The following MARCHF10 variants were observed in gnomAD, a reference collection of about 807,000 sequenced individuals.
The protein encoded by MARCHF10 is probable E3 ubiquitin-protein ligase MARCHF10.
A neutral mutation model predicts 76.2 loss-of-function variants in MARCHF10; 64 were observed. That is an observed-to-expected ratio of 0.84 (90% CI 0.69 to 1.03). The LOEUF is 1.03. MARCHF10 is among the 50% of genes least tolerant of loss of function. The pLI, the probability that MARCHF10 is intolerant of heterozygous loss-of-function variation, is 0.00. For missense variants in MARCHF10, 875 were observed against 958.0 expected, an observed-to-expected ratio of 0.91 and a Z score of 1.14; for synonymous variants, 340 against 357.5, an observed-to-expected ratio of 0.95 and a Z score of 0.55.
At chr17:62,795,109 A>G in intron 2 of MARCHF10, 2 of 966,574 alleles carry the variant, frequency 2.1e-6, no homozygotes, top group Non-Finnish European at 2.5e-6. Context: ...CTGAGTGGAC[A>G]ACTCCAAACC....
At chr17:62,790,953 C>A (rs774048112) in intron 2 of MARCHF10, among the ~76,000 whole-genome samples, 1 of 152,210 alleles carries the variant, frequency 6.6e-6, no homozygotes, top group Non-Finnish European at 1.5e-5. Flanking sequence ...TTCACTCCAA[C>A]TTGCTTGGGA....
At chr17:62,705,050 C>T (rs1007283056) in intron 10 of MARCHF10, 194 of 1,005,906 alleles carry the variant, frequency 1.9e-4, no homozygotes, top group Non-Finnish European at 2.2e-4. Context: ...CTTGGGAGAC[C>T]TGTTTGCTTT....
intron 10 of MARCHF10, among the ~76,000 whole-genome samples, chr17:62,702,780 C>G (rs912479617): frequency 1.3e-4 from 20 of 152,326 alleles, no homozygotes; most frequent in African/African-American, 4.1e-4. Context: ...CCTGGACCCT[C>G]TCACCCTCTC....
At chr17:62,744,313 G>T in intron 5 of MARCHF10, 63 bp downstream of exon 5, 1 of 1,531,544 alleles carries the variant, frequency 6.5e-7, no homozygotes, top group South Asian at 1.2e-5. Flanking sequence ...AGAATTCACC[G>T]GGTAACAGCA....
chr17:62,740,820 G>T (rs1330176375), intron 5 of MARCHF10, among the ~76,000 whole-genome samples: 2 of 152,146 alleles, frequency 1.3e-5, no homozygotes, highest in East Asian at 3.9e-4. Flanking sequence ...TAGAGATGGG[G>T]TCTCACTTTG....
intron 4 of MARCHF10, among the ~76,000 whole-genome samples, chr17:62,748,749 G>T (rs185795565): frequency 8.5e-5 from 13 of 152,222 alleles, no homozygotes; most frequent in Admixed American, 5.9e-4. Flanking sequence ...TCTAGAAAAA[G>T]AGTTTCGAAC....
Position 62,744,374 on chromosome 17 carries a change from A to G in MARCHF10, c.535+2T>C. 1 of 1,613,374 alleles carries G rather than the reference A, an allele frequency of 6.2e-7. No individual in the cohort carries two copies. On this transcript the variant is annotated splice_donor_variant, in intron 5 of 10. Transcript: ENST00000311269. LOFTEE classifies it high-confidence loss of function. Reference sequence around the variant, plus strand: ...AAAGGTTCGGGAGCCCCGGGTCCTTACCTGCTCCCCTGGGAACCGGCACCT... The same window carrying G: ...AAAGGTTCGGGAGCCCCGGGTCCTTGCCTGCTCCCCTGGGAACCGGCACCT...
At chr17:62,789,064 C>T (rs1187840755) in intron 2 of MARCHF10, among the ~76,000 whole-genome samples, 197 of 93,100 alleles carry the variant, frequency 2.1e-3, no homozygotes, top group Middle Eastern at 0.012. Context: ...AGCGAGACTC[C>T]GTCTCAAAAA....
intron 6 of MARCHF10, among the ~76,000 whole-genome samples, chr17:62,727,251 A>G (rs957973221): frequency 6.6e-6 from 1 of 152,254 alleles, no homozygotes; most frequent in African/African-American, 2.4e-5. Context: ...GTGGGGATCC[A>G]CTGGCTACCC....
At chr17:62,793,819 A>G (rs1234048313) in intron 2 of MARCHF10, among the ~76,000 whole-genome samples, 4 of 139,486 alleles carry the variant, frequency 2.9e-5, no homozygotes, top group African/African-American at 1.1e-4. Flanking sequence ...GACCACCACC[A>G]ACACCTCCAT....
intron 1 of MARCHF10, among the ~76,000 whole-genome samples, chr17:62,802,725 G>T (rs1356893005): frequency 6.6e-6 from 1 of 152,188 alleles, no homozygotes; most frequent in Non-Finnish European, 1.5e-5. Flanking sequence ...GGACAGAGAG[G>T]ACAGCAGGTG....
intron 1 of MARCHF10, among the ~76,000 whole-genome samples, chr17:62,806,861 G>T (rs2093172363): frequency 6.6e-6 from 1 of 152,204 alleles, no homozygotes; most frequent in Non-Finnish European, 1.5e-5. Flanking sequence ...TTTGTCAAAA[G>T]AACTGATTTG....
chr17:62,785,482 T>A (rs1034332177), intron 3 of MARCHF10, among the ~76,000 whole-genome samples: 5 of 152,122 alleles, frequency 3.3e-5, no homozygotes, highest in Non-Finnish European at 7.4e-5. Context: ...ACTTCATGTC[T>A]AAAACACCAA....
intron 1 of MARCHF10, chr17:62,805,059 G>A (rs1356020475): frequency 6.6e-6 from 1 of 152,176 alleles, no homozygotes; most frequent in Admixed American, 6.5e-5. Flanking sequence ...TGAACAATGG[G>A]GAAAACTTGT....
intron 6 of MARCHF10, among the ~76,000 whole-genome samples, chr17:62,730,285 G>T (rs1047877851): frequency 6.6e-6 from 1 of 152,100 alleles, no homozygotes; most frequent in Middle Eastern, 3.2e-3. Context: ...AGCATTTCAC[G>T]CAGTGAAAGT....
intron 3 of MARCHF10, among the ~76,000 whole-genome samples, chr17:62,786,832 G>A (rs1246494500): frequency 3.3e-5 from 5 of 152,158 alleles, no homozygotes; most frequent in South Asian, 2.1e-4. Context: ...TAAAATGGCC[G>A]TGACTGTGCA....
chr17:62,802,701 C>A (rs972852566), intron 1 of MARCHF10, among the ~76,000 whole-genome samples: 34 of 152,220 alleles, frequency 2.2e-4, no homozygotes, highest in Admixed American at 1.1e-3. Flanking sequence ...ACAGAGTGAG[C>A]TAGCTGAGAA....
Position 62,701,653 on chromosome 17 carries a change from GA to G in MARCHF10, c.*49del, listed in dbSNP as rs749461005. On this transcript the variant is annotated 3_prime_UTR_variant, in exon 11 of 11. Transcript: ENST00000311269. Reference sequence around the variant, plus strand: ...AGGGAGGCACTTGGGGACGTAGAAAGAAGGGCTGGCGGGAGAGGTCTCCGCC... The same window carrying G: ...AGGGAGGCACTTGGGGACGTAGAAAGAGGGCTGGCGGGAGAGGTCTCCGCC... 38 of 1,613,252 alleles carry G rather than the reference GA, an allele frequency of 2.4e-5. No individual in the cohort carries two copies. The South Asian group carries it at 4.2e-4, about 18-fold the overall frequency.
chr17:62,713,024 T>C (rs2090009533), intron 8 of MARCHF10, among the ~76,000 whole-genome samples: 1 of 152,100 alleles, frequency 6.6e-6, no homozygotes, highest in Non-Finnish European at 1.5e-5. Flanking sequence ...GGATTACAGG[T>C]GTAAGCCACC....
Sources: allele counts gnomAD v4.1 joint callset (sites outside exome capture counted in the v4.1 genomes callset), GRCh38; gene constraint gnomAD v4.1.1; transcripts MANE v1.5; gene names NCBI Gene and HGNC (gene_info 2026-07-23, HGNC 2026-07-21).